Variants in TMEM255A observed in about 807,000 individuals in gnomAD.
TMEM255A encodes the protein family with sequence similarity 70, member A.
TMEM255A carries 14 observed loss-of-function variants against 23.5 expected under a neutral mutation model. The observed-to-expected ratio is 0.60, with a 90% CI of 0.39 to 0.93. TMEM255A has a LOEUF of 0.93. TMEM255A is among the 40% of genes least tolerant of loss of function. The probability of loss-of-function intolerance (pLI) is 0.00; values close to 1 mark genes in which losing one functional copy is unlikely to be tolerated. For missense variants in TMEM255A, 233 were observed against 261.7 expected, an observed-to-expected ratio of 0.89 and a Z score of 0.76; for synonymous variants, 104 against 100.3, an observed-to-expected ratio of 1.04 and a Z score of -0.22.
chrX:120,262,101 C>G (rs1380360916), intron 8 of TMEM255A, among the ~76,000 whole-genome samples: 4 of 111,119 alleles, frequency 3.6e-5, no homozygotes, highest in African/African-American at 6.6e-5. Flanking sequence ...ACCAGCCTGG[C>G]CAACATGGCG....
At chrX:120,280,321 G>T (rs1371693356) in intron 6 of TMEM255A, among the ~76,000 whole-genome samples, 1 of 110,503 alleles carries the variant, frequency 9.0e-6, no homozygotes, top group Non-Finnish European at 1.9e-5. Context: ...GGCACAAACC[G>T]CAATATGGGA....
downstream of TMEM255A, chrX:120,254,203 G>A: frequency 8.3e-7 from 1 of 1,211,761 alleles, no homozygotes; most frequent in East Asian, 3.0e-5. Flanking sequence ...CAAACACAAG[G>A]AAGTGAAAAA....
chrX:120,270,583 T>A (rs1033822447), intron 7 of TMEM255A, among the ~76,000 whole-genome samples: 2 of 111,743 alleles, frequency 1.8e-5, no homozygotes, highest in African/African-American at 6.5e-5. Context: ...ATTCACTTTT[T>A]AAAAATTCAT....
intron 4 of TMEM255A, among the ~76,000 whole-genome samples, chrX:120,290,065 T>C (rs782754697): frequency 9.0e-6 from 1 of 111,710 alleles, no homozygotes; most frequent in Non-Finnish European, 1.9e-5. Context: ...GGGATTTCTT[T>C]TCAAGATGAT....
chrX:120,285,041 C>G (rs1461327111), intron 6 of TMEM255A, 86 bp downstream of exon 6: 9 of 844,309 alleles, frequency 1.1e-5, no homozygotes, highest in Non-Finnish European at 1.6e-5. Context: ...TCCCTAATTC[C>G]CACAATGCAC....
chrX:120,297,025 TA>T (rs1342724766), intron 2 of TMEM255A, among the ~76,000 whole-genome samples: 1 of 4,194 alleles, frequency 2.4e-4, no homozygotes, highest in Non-Finnish European at 3.3e-4. Flanking sequence ...ATATATTATA[TA>T]TATATAATAT....
intron 5 of TMEM255A, among the ~76,000 whole-genome samples, chrX:120,286,170 T>G (rs1278018273): frequency 1.8e-5 from 2 of 112,063 alleles, no homozygotes; most frequent in Non-Finnish European, 3.8e-5. Flanking sequence ...ATCAAAGTAT[T>G]TGCCATGGTG....
downstream of TMEM255A, chrX:120,253,987 A>T: frequency 8.3e-7 from 1 of 1,208,923 alleles, no homozygotes; most frequent in Non-Finnish European, 1.1e-6. Context: ...TCTGATGATG[A>T]TGATGATGAT....
chrX:120,255,125 G>GT (rs782181955), downstream of TMEM255A: 1 of 1,211,979 alleles, frequency 8.3e-7, no homozygotes, highest in Non-Finnish European at 1.1e-6. Flanking sequence ...CACATATAAA[G>GT]TCAGTTCATA....
chrX:120,266,332 C>A (rs1000518018), intron 8 of TMEM255A, among the ~76,000 whole-genome samples: 22 of 109,640 alleles, frequency 2.0e-4, no homozygotes, highest in African/African-American at 7.3e-4. Flanking sequence ...GTCCCCTGAC[C>A]CCCCACCCCC....
At chrX:120,283,872 A>G (rs1381935840) in intron 6 of TMEM255A, among the ~76,000 whole-genome samples, 3 of 110,954 alleles carry the variant, frequency 2.7e-5, no homozygotes, top group Non-Finnish European at 5.7e-5. Context: ...CTACAGGGTC[A>G]AGTCTGAAGT....
In TMEM255A at chrX:120,287,120, G is replaced by A; in HGVS notation, c.423+34C>T. ...TCAGGCAGAACAGGGGACTTTCCCA[G>A]GAGGTAAAGACATGCAGCCTCATTC... is the stretch of plus-strand genomic sequence containing the variant. On this transcript the variant is annotated intron_variant, in intron 5 of 8. Transcript: ENST00000371369. 5 of 1,151,732 alleles carry A rather than the reference G, an allele frequency of 4.3e-6. No homozygotes were observed. The South Asian group carries it at 7.2e-5, about 17-fold the overall frequency. 94.9% of individuals were successfully genotyped at this position (1,151,732 alleles called of 1,213,427 possible).
chrX:120,307,489 AAAATC>A (rs2058072208), intron 1 of TMEM255A, among the ~76,000 whole-genome samples: 1 of 112,446 alleles, frequency 8.9e-6, no homozygotes, highest in South Asian at 3.7e-4. Flanking sequence ...CAGGTATATG[AAAATC>A]ATGCCTATTA....
chrX:120,285,681 T>C (rs1468952271), intron 5 of TMEM255A: 1 of 1,208,911 alleles, frequency 8.3e-7, no homozygotes, highest in African/African-American at 1.8e-5. Context: ...GAATTTTTGG[T>C]TGAGGAACTT....
intron 3 of TMEM255A, among the ~76,000 whole-genome samples, chrX:120,293,354 G>A (rs782012344): frequency 6.2e-5 from 7 of 112,913 alleles, no homozygotes; most frequent in Non-Finnish European, 1.3e-4. Context: ...TGCCCTTGTG[G>A]GCCCCTGTTA....
Position 120,268,313 on chromosome X carries a change from T to C in TMEM255A, c.750A>G (p.Gln250=). Residue 250 remains glutamine, a synonymous_variant, in exon 8 of 9, where the codon CAA becomes CAG. Transcript: ENST00000371369. ...HPTVSYYAHP[Q]VASYNTYYHS... is the part of the protein sequence containing the mutation. ...GGTAGTAGGTATTGTAGGATGCCAC[T>C]TGGGGATGAGCATAGTAAGAAACTG... is the stretch of plus-strand genomic sequence containing the variant. 6 of 1,208,284 alleles carry C rather than the reference T, an allele frequency of 5.0e-6. No individual in the cohort carries two copies. Among genetic ancestry groups the C allele is most frequent in the Non-Finnish European group, 6.7e-6 (6 of 893,885 alleles).
chrX:120,275,655 A>G (rs2057791631), intron 7 of TMEM255A, among the ~76,000 whole-genome samples: 1 of 104,131 alleles, frequency 9.6e-6, no homozygotes, highest in Admixed American at 1.1e-4. Flanking sequence ...GTGGTATTCA[A>G]TCATGGCTGC....
chrX:120,271,179 T>C (rs1460164501), intron 7 of TMEM255A, among the ~76,000 whole-genome samples: 1 of 112,247 alleles, frequency 8.9e-6, no homozygotes, highest in Non-Finnish European at 1.9e-5. Context: ...CTTTTAATTT[T>C]TTAATTAAAT....
intron 2 of TMEM255A, among the ~76,000 whole-genome samples, chrX:120,297,542 G>A (rs1381753754): frequency 9.0e-6 from 1 of 110,614 alleles, no homozygotes; most frequent in African/African-American, 3.3e-5. Flanking sequence ...CATTTCAAAA[G>A]CATTTTAAGT....
Sources: allele counts gnomAD v4.1 joint callset (sites outside exome capture counted in the v4.1 genomes callset), GRCh38; gene constraint gnomAD v4.1.1; transcripts MANE v1.5; gene names NCBI Gene and HGNC (gene_info 2026-07-23, HGNC 2026-07-21).